The following PRLR variants were observed in gnomAD, a reference collection of about 807,000 sequenced individuals.
PRLR encodes the protein hPRL receptor.
A neutral mutation model predicts 40.2 loss-of-function variants in PRLR; 13 were observed. The observed-to-expected ratio is 0.32, with a 90% CI of 0.21 to 0.51. The LOEUF is 0.51. Among genes scored for constraint, PRLR ranks in the 20% least tolerant of loss-of-function variants. The pLI is 0.97. For synonymous variants in PRLR, 269 were observed against 278.7 expected, an observed-to-expected ratio of 0.97 and a Z score of 0.35; for missense variants, 656 against 747.3, an observed-to-expected ratio of 0.88 and a Z score of 1.42.
At chr5:35,102,779 G>A (rs2111561217) in intron 2 of PRLR, among the ~76,000 whole-genome samples, 1 of 152,218 alleles carries the variant, frequency 6.6e-6, no homozygotes, top group East Asian at 1.9e-4. Flanking sequence ...CTGACCTCAG[G>A]TGATCCACCT....
chr5:35,143,943 C>T (rs1774098461), intron 1 of PRLR, among the ~76,000 whole-genome samples: 1 of 151,496 alleles, frequency 6.6e-6, no homozygotes, highest in South Asian at 2.1e-4. Context: ...AATCATGGGC[C>T]CGATCATAAT....
chr5:35,074,217 T>C (rs530419435), intron 5 of PRLR, among the ~76,000 whole-genome samples: 1 of 152,218 alleles, frequency 6.6e-6, no homozygotes, highest in South Asian at 2.1e-4. Flanking sequence ...TCCTACCATT[T>C]TGGGAGGCTG....
At chr5:35,153,669 C>T (rs151215005) in intron 1 of PRLR, among the ~76,000 whole-genome samples, 9 of 151,972 alleles carry the variant, frequency 5.9e-5, no homozygotes, top group African/African-American at 1.2e-4. Flanking sequence ...TTCTGAGTGT[C>T]GTTTCCCATT....
rs1284791384 is a variant in PRLR, at chr5:35,066,099, C to T, written c.859G>A (p.Gly287Ser). ...KGFDAHLLEK[G>S]KSEELLSALG... ...GCACTCAGTAGTTCTTCAGACTTGC[C>T]CTTCTATTAAAACACAGACACAAGA... The change falls in exon 10 of 10, where the codon GGC becomes AGC. Residue 287 changes from glycine (G) to serine (S), a missense_variant. Gly to Ser is a moderately conservative substitution (Grantham distance 56, BLOSUM62 0). Around this residue, in one of 3 missense-constraint regions of PRLR, gnomAD observed 469 missense variants for 491.5 expected, o/e 0.95. Coordinates refer to ENST00000618457, the MANE Select transcript of PRLR (RefSeq NM_000949.7). 1 of 1,612,042 alleles carries T rather than the reference C, an allele frequency of 6.2e-7. No homozygotes were observed. The highest frequency in any genetic ancestry group is 8.5e-7 in the Non-Finnish European group (1 of 1,178,982).
At chr5:35,149,822 C>G (rs1774288355) in intron 1 of PRLR, among the ~76,000 whole-genome samples, 1 of 151,906 alleles carries the variant, frequency 6.6e-6, no homozygotes, top group Admixed American at 6.6e-5. Flanking sequence ...GAGTGATTTT[C>G]TACATAGCCA....
At chr5:35,209,456 C>G (rs549936236) in intron 1 of PRLR, among the ~76,000 whole-genome samples, 37 of 152,000 alleles carry the variant, frequency 2.4e-4, no homozygotes, top group Non-Finnish European at 4.9e-4. Context: ...TAAAAAAAAG[C>G]CTTCAAAGAA....
At chr5:35,053,509 T>A (rs1178267515), downstream of PRLR, among the ~76,000 whole-genome samples, 1 of 152,066 alleles carries the variant, frequency 6.6e-6, no homozygotes, top group Non-Finnish European at 1.5e-5. Flanking sequence ...CAAAATTAGC[T>A]GGGTGTGGTG....
At chr5:35,131,488 G>A (rs1579710949) in intron 1 of PRLR, among the ~76,000 whole-genome samples, 1 of 152,138 alleles carries the variant, frequency 6.6e-6, no homozygotes, top group East Asian at 1.9e-4. Flanking sequence ...ACAATCGCTG[G>A]CAAAAGGCAT....
At chr5:35,102,566 G>A (rs1374267405) in intron 2 of PRLR, among the ~76,000 whole-genome samples, 13 of 117,378 alleles carry the variant, frequency 1.1e-4, no homozygotes, top group Admixed American at 2.7e-4. Context: ...TTTCTTTGAC[G>A]GAGTCTTGCT....
At chr5:35,164,307 A>G (rs937629981) in intron 1 of PRLR, among the ~76,000 whole-genome samples, 3 of 152,170 alleles carry the variant, frequency 2.0e-5, no homozygotes, top group Non-Finnish European at 2.9e-5. Context: ...GACAAACATA[A>G]TAATTATAGG....
chr5:35,217,180 T>C (rs1776305517), intron 1 of PRLR, among the ~76,000 whole-genome samples: 1 of 152,166 alleles, frequency 6.6e-6, no homozygotes, highest in African/African-American at 2.4e-5. Flanking sequence ...GAGAGGAACT[T>C]ATACCTCCAG....
At chr5:35,170,032 A>T (rs1774953505) in intron 1 of PRLR, among the ~76,000 whole-genome samples, 1 of 152,218 alleles carries the variant, frequency 6.6e-6, no homozygotes, top group African/African-American at 2.4e-5. Context: ...GCATTATAGA[A>T]TCTTACTAAG....
chr5:35,087,875 C>G (rs1241222589), intron 3 of PRLR, among the ~76,000 whole-genome samples: 1 of 152,180 alleles, frequency 6.6e-6, no homozygotes, highest in African/African-American at 2.4e-5. Context: ...AGCTGATCCT[C>G]TTTTTTGTCT....
intron 1 of PRLR, among the ~76,000 whole-genome samples, chr5:35,206,874 G>A (rs138772017): frequency 6.6e-6 from 1 of 152,008 alleles, no homozygotes; most frequent in Non-Finnish European, 1.5e-5. Context: ...AATTTTGACT[G>A]TCATAACTGA....
At chr5:35,137,514 G>C (rs1462929392) in intron 1 of PRLR, among the ~76,000 whole-genome samples, 1 of 152,184 alleles carries the variant, frequency 6.6e-6, no homozygotes, top group Non-Finnish European at 1.5e-5. Flanking sequence ...AATCCAGTAA[G>C]AAAGTTCCTG....
intron 2 of PRLR, among the ~76,000 whole-genome samples, chr5:35,114,804 C>A (rs1274459623): frequency 6.6e-6 from 1 of 152,184 alleles, no homozygotes; most frequent in African/African-American, 2.4e-5. Flanking sequence ...AAAGCCGACC[C>A]CAGTGGCTCC....
At chr5:35,142,302 G>A (rs181520444) in intron 1 of PRLR, among the ~76,000 whole-genome samples, 4 of 152,342 alleles carry the variant, frequency 2.6e-5, no homozygotes, top group Admixed American at 2.0e-4. Context: ...GGTTTGCACA[G>A]GTTGTGCCAA....
At chr5:35,051,599 T>G (rs1003151164), downstream of PRLR, among the ~76,000 whole-genome samples, 6 of 152,226 alleles carry the variant, frequency 3.9e-5, no homozygotes, top group Non-Finnish European at 5.9e-5. Context: ...CAGTGAATTA[T>G]CTCACAAGGA....
chr5:35,049,903 CTTT>C (rs57649490), intron 8 of PRLR, among the ~76,000 whole-genome samples: 8 of 123,518 alleles, frequency 6.5e-5, no homozygotes, highest in Admixed American at 8.1e-5. Context: ...AAACTACATT[CTTT>C]TTTTTTTTTT....
Sources: allele counts gnomAD v4.1 joint callset (sites outside exome capture counted in the v4.1 genomes callset), GRCh38; gene constraint gnomAD v4.1.1; regional missense constraint gnomAD v4.1.1; transcripts MANE v1.5; gene names NCBI Gene and HGNC (gene_info 2026-07-23, HGNC 2026-07-21).